MGLL: variants seen among roughly 807,000 people sequenced by gnomAD.
MGLL encodes lysophospholipase homolog.
In MGLL, 7 loss-of-function variants were observed where a neutral mutation model predicts 29.1. That is an observed-to-expected ratio of 0.24 (90% CI 0.14 to 0.45). The LOEUF (loss-of-function observed/expected upper bound fraction) is 0.45, where lower values mean the gene tolerates loss of function less well. Among genes scored for constraint, MGLL ranks in the 20% least tolerant of loss-of-function variants. The probability of loss-of-function intolerance (pLI) is 0.99; values close to 1 mark genes in which losing one functional copy is unlikely to be tolerated. For missense variants in MGLL, 356 were observed against 413.6 expected, an observed-to-expected ratio of 0.86 and a Z score of 1.21; for synonymous variants, 148 against 168.3, an observed-to-expected ratio of 0.88 and a Z score of 0.93.
intron 2 of MGLL, among the ~76,000 whole-genome samples, chr3:127,786,605 G>C (rs1016072242): frequency 6.6e-6 from 1 of 152,266 alleles, no homozygotes; most frequent in African/African-American, 2.4e-5. Flanking sequence ...ACAAGCCGCA[G>C]AGCCTCTCAG....
At chr3:127,775,535 G>GCCCACA (rs1347648731) in intron 3 of MGLL, among the ~76,000 whole-genome samples, 2 of 151,882 alleles carry the variant, frequency 1.3e-5, no homozygotes, top group Non-Finnish European at 2.9e-5. Context: ...CGTAACTGCC[G>GCCCACA]CCCACAGACA....
At chr3:127,802,450 TCTC>T (rs2077494852) in intron 2 of MGLL, among the ~76,000 whole-genome samples, 1 of 152,128 alleles carries the variant, frequency 6.6e-6, no homozygotes, top group African/African-American at 2.4e-5. Context: ...CCTCCTGTAA[TCTC>T]CTACAGGTGC....
intron 3 of MGLL, among the ~76,000 whole-genome samples, chr3:127,723,682 G>T (rs1366899736): frequency 6.6e-6 from 1 of 152,090 alleles, no homozygotes; most frequent in African/African-American, 2.4e-5. Flanking sequence ...TTTTTACTGT[G>T]CTATCATATC....
intron 7 of MGLL, among the ~76,000 whole-genome samples, chr3:127,693,247 C>G (rs981518275): frequency 1.3e-5 from 2 of 152,316 alleles, no homozygotes; most frequent in Middle Eastern, 3.4e-3. Context: ...AGTGATCTCA[C>G]TCTCTGCCAC....
intron 6 of MGLL, among the ~76,000 whole-genome samples, chr3:127,698,056 C>T (rs917225295): frequency 2.0e-5 from 3 of 152,252 alleles, no homozygotes; most frequent in African/African-American, 4.8e-5. Flanking sequence ...ATTGCACTGA[C>T]GGCCCAAGCG....
At chr3:127,765,990 C>T (rs893253987) in intron 3 of MGLL, among the ~76,000 whole-genome samples, 13 of 152,198 alleles carry the variant, frequency 8.5e-5, no homozygotes, top group Non-Finnish European at 1.9e-4. Flanking sequence ...GCAGCTAAGA[C>T]ATTCATTTAA....
chr3:127,715,187 T>A (rs2075791478), intron 5 of MGLL, among the ~76,000 whole-genome samples: 1 of 152,168 alleles, frequency 6.6e-6, no homozygotes, highest in Non-Finnish European at 1.5e-5. Flanking sequence ...ATCAGGGCCT[T>A]TTTAAAGTTC....
Position 127,735,555 on chromosome 3 carries a change from CAT to C in MGLL, c.263-12991_263-12990del, listed in dbSNP as rs1315061569. On this transcript the variant is annotated intron_variant, in intron 3 of 7. Transcript: ENST00000265052. ...AAGAAAACAAGCAAAAGCAAATATA[CAT>C]ATTTTTAGAGACTCATACTTATGTG... 12 of 816,530 alleles carry C rather than the reference CAT, an allele frequency of 1.5e-5. No homozygotes were observed. In the Admixed American group the frequency reaches 2.5e-4, roughly 17 times the overall value. 50.6% of individuals were successfully genotyped at this position (816,530 alleles called of 1,614,324 possible).
intron 3 of MGLL, among the ~76,000 whole-genome samples, chr3:127,743,896 C>G (rs2107658583): frequency 6.6e-6 from 1 of 152,264 alleles, no homozygotes; most frequent in Middle Eastern, 3.4e-3. Flanking sequence ...TCCACGGCCA[C>G]TCAGCACAAC....
intron 5 of MGLL, among the ~76,000 whole-genome samples, chr3:127,718,343 A>C (rs921095066): frequency 6.6e-6 from 1 of 152,036 alleles, no homozygotes; most frequent in East Asian, 1.9e-4. Flanking sequence ...CTCTGCTACC[A>C]CTCACAGCCA....
rs574126831 is a variant in MGLL at position 127,816,528 on chromosome 3, G to A, written c.155+5166C>T. Among the ~76,000 whole-genome samples, 32 of 152,258 alleles carry A rather than the reference G, an allele frequency of 2.1e-4. 2 individuals carry two copies. The South Asian group carries it at 6.2e-3, about 30-fold the overall frequency. On this transcript the variant is annotated intron_variant, in intron 2 of 7. Coordinates refer to ENST00000265052, the MANE Select transcript of MGLL (RefSeq NM_007283.7). ...GCCCTTATTTCCCAGAGCCACAGGTGCCACACCCGTGTCTGGCTGGGGGCT... is the reference window on the plus strand; with the variant it reads ...GCCCTTATTTCCCAGAGCCACAGGTACCACACCCGTGTCTGGCTGGGGGCT...
chr3:127,727,234 C>T (rs2076062252), intron 3 of MGLL, among the ~76,000 whole-genome samples: 1 of 152,146 alleles, frequency 6.6e-6, no homozygotes, highest in Non-Finnish European at 1.5e-5. Context: ...TCCAGGGAGC[C>T]CCACTTCCTT....
intron 3 of MGLL, among the ~76,000 whole-genome samples, chr3:127,757,850 C>T (rs533546930): frequency 1.3e-5 from 2 of 152,336 alleles, no homozygotes; most frequent in Admixed American, 6.5e-5. Context: ...ATTGCTGATA[C>T]AGGAGTGCCG....
upstream of MGLL, chr3:127,823,156 C>G (rs891374092): frequency 3.3e-5 from 5 of 151,870 alleles, no homozygotes; most frequent in African/African-American, 1.2e-4. Context: ...AGGGCCGGGA[C>G]GAGCTGCGCG....
intron 3 of MGLL, among the ~76,000 whole-genome samples, chr3:127,726,619 A>T (rs1242781787): frequency 6.6e-6 from 1 of 151,892 alleles, no homozygotes; most frequent in African/African-American, 2.4e-5. Flanking sequence ...TTCAGTAGAG[A>T]CGGTGTTTCA....
chr3:127,775,520 C>G (rs1216532778), intron 3 of MGLL, among the ~76,000 whole-genome samples: 1 of 152,116 alleles, frequency 6.6e-6, no homozygotes, highest in African/African-American at 2.4e-5. Flanking sequence ...CCAAGGAGAA[C>G]CACGCGTAAC....
At chr3:127,725,148 T>C (rs897109079) in intron 3 of MGLL, among the ~76,000 whole-genome samples, 6 of 152,038 alleles carry the variant, frequency 3.9e-5, no homozygotes, top group African/African-American at 1.2e-4. Context: ...CTTTACCCCA[T>C]CCTCTTCCGA....
At chr3:127,764,002 C>T (rs747510146) in intron 3 of MGLL, among the ~76,000 whole-genome samples, 36 of 152,324 alleles carry the variant, frequency 2.4e-4, no homozygotes, top group South Asian at 6.2e-4. Context: ...GGCTCTCAGG[C>T]GCTCCTCCAG....
chr3:127,771,570 G>A (rs2076949195), intron 3 of MGLL, among the ~76,000 whole-genome samples: 1 of 152,082 alleles, frequency 6.6e-6, no homozygotes, highest in African/African-American at 2.4e-5. Context: ...TGTCCAGGCT[G>A]GTCTCAAACC....
Sources: gnomAD v4.1 joint callset for allele counts (sites outside exome capture counted in the v4.1 genomes callset) on GRCh38, gnomAD v4.1.1 for gene constraint, MANE v1.5 for transcripts, NCBI Gene and HGNC (gene_info 2026-07-23, HGNC 2026-07-21) for gene names.